SESTD1: variants seen among roughly 807,000 people sequenced by gnomAD.
SESTD1 encodes the protein SEC14 domain and spectrin repeat-containing protein 1.
Under a neutral mutation model 101.7 loss-of-function variants are expected in SESTD1, and 43 were observed. The observed-to-expected ratio is 0.42, with a 90% CI of 0.33 to 0.55. The LOEUF (loss-of-function observed/expected upper bound fraction) is 0.55. Among genes scored for constraint, SESTD1 ranks in the 20% least tolerant of loss-of-function variants. SESTD1 has a pLI of 0.07. For missense variants in SESTD1, 647 were observed against 815.1 expected (o/e 0.79, Z 2.51); for synonymous variants, 283 against 286.8 (o/e 0.99, Z 0.13).
chr2:179,112,793 A>T lies in SESTD1; in HGVS notation c.1892T>A (p.Phe631Tyr). Residue 631 changes from phenylalanine to tyrosine, a missense_variant, in exon 17 of 18, where the codon TTT (phenylalanine) becomes TAT (tyrosine). Phe to Tyr is a conservative substitution (Grantham distance 22, BLOSUM62 3). Transcript: ENST00000428443. Reference protein sequence around the residue: ...EPEAINDEEQFDEIEAVGKSL... With the variant: ...EPEAINDEEQYDEIEAVGKSL... ...TTTCCCAACTGCTTCAATTTCATCA[A>T]ATTGCTCCTCATCATTAATAGCTTC... The T allele has an allele frequency of 6.2e-7, 1 of 1,613,318 alleles. No individual in the cohort carries two copies. The highest frequency in any genetic ancestry group is 8.5e-7 in the Non-Finnish European group (1 of 1,179,992).
chr2:179,263,957 A>C (rs2047519057), intron 1 of SESTD1: 1 of 152,264 alleles, frequency 6.6e-6, no homozygotes, highest in Non-Finnish European at 1.5e-5. Flanking sequence ...TGGGGCCTCG[A>C]GCCCGTGTCC....
chr2:179,249,890 CAA>C (rs60865157), intron 1 of SESTD1, among the ~76,000 whole-genome samples: 47 of 111,244 alleles, frequency 4.2e-4, no homozygotes, highest in Admixed American at 6.8e-4. Flanking sequence ...TATCCACAGG[CAA>C]AAAAAAAAAA....
chr2:179,158,241 TA>T (rs2045666791), intron 5 of SESTD1, among the ~76,000 whole-genome samples: 1 of 152,192 alleles, frequency 6.6e-6, no homozygotes, highest in African/African-American at 2.4e-5. Context: ...TAAAAGGACA[TA>T]ATTCTAATGA....
intron 2 of SESTD1, among the ~76,000 whole-genome samples, chr2:179,185,580 TATTA>T (rs2046204738): frequency 7.6e-6 from 1 of 131,672 alleles, no homozygotes; most frequent in Admixed American, 8.1e-5. Context: ...TAATATACTA[TATTA>T]TATATTGTAT....
chr2:179,119,844 C>T (rs114431420), intron 13 of SESTD1, among the ~76,000 whole-genome samples: 4,019 of 152,232 alleles, frequency 0.026, 85 homozygotes, highest in Non-Finnish European at 0.035. Context: ...CTTCACCTTC[C>T]ATCATGAGTG....
chr2:179,245,246 T>A (rs1421263262), intron 1 of SESTD1, among the ~76,000 whole-genome samples: 5 of 151,854 alleles, frequency 3.3e-5, no homozygotes, highest in African/African-American at 1.2e-4. Context: ...GCTGGGCACG[T>A]TGGCTCACGC....
chr2:179,202,292 G>A (rs1245389164), intron 1 of SESTD1, among the ~76,000 whole-genome samples: 1 of 133,284 alleles, frequency 7.5e-6, no homozygotes, highest in Non-Finnish European at 1.6e-5. Context: ...CCTAAAGAAG[G>A]CCTAATAAAA....
chr2:179,199,540 G>A (rs1451480604), intron 1 of SESTD1, among the ~76,000 whole-genome samples: 3 of 152,124 alleles, frequency 2.0e-5, no homozygotes, highest in Admixed American at 2.0e-4. Context: ...GATGAACATT[G>A]ATGCAAAAAT....
chr2:179,180,790 C>T (rs1205509322), intron 3 of SESTD1, among the ~76,000 whole-genome samples: 9 of 152,284 alleles, frequency 5.9e-5, no homozygotes, highest in Non-Finnish European at 1.2e-4. Context: ...ATCTAGTTAA[C>T]TGCTCTCTAG....
At chr2:179,196,368 T>C (rs1249659248) in intron 1 of SESTD1, among the ~76,000 whole-genome samples, 2 of 152,132 alleles carry the variant, frequency 1.3e-5, no homozygotes, top group Non-Finnish European at 2.9e-5. Context: ...AAGGTGGCAG[T>C]GAGGCTGGGA....
chr2:179,172,272 AAAATG>A, intron 4 of SESTD1, 39 bp from the exon 5 acceptor site: 1 of 1,308,386 alleles, frequency 7.6e-7, no homozygotes, highest in Non-Finnish European at 1.1e-6. Flanking sequence ...TTACACATGT[AAAATG>A]AATAATTTAC....
At chr2:179,195,170 C>T (rs2046371115) in intron 1 of SESTD1, among the ~76,000 whole-genome samples, 1 of 152,216 alleles carries the variant, frequency 6.6e-6, no homozygotes, top group Non-Finnish European at 1.5e-5. Flanking sequence ...TGTGTCCCCA[C>T]CCAAATCTCA....
rs141223035 is a variant in SESTD1 at position 179,144,214 on chromosome 2, C to T, written c.638-411G>A. ...TATTTCCCTGTAGAGCAAAATTATA[C>T]TGTGGGATTTCTGTCTGATGGTACT... On this transcript the variant is annotated intron_variant, in intron 8 of 17. Coordinates refer to ENST00000428443, the MANE Select transcript of SESTD1 (RefSeq NM_178123.5). Among the ~76,000 whole-genome samples, 1,297 of 151,818 alleles carry T rather than the reference C, an allele frequency of 8.5e-3. 10 individuals are homozygous for T. Among genetic ancestry groups the T allele is most frequent in the African/African-American group, 0.029 (1,209 of 41,422 alleles).
chr2:179,127,625 C>T (rs1477154660), intron 10 of SESTD1, among the ~76,000 whole-genome samples: 1 of 152,180 alleles, frequency 6.6e-6, no homozygotes, highest in Non-Finnish European at 1.5e-5. Flanking sequence ...GCCAGTGATG[C>T]TGCAAAATAC....
In SESTD1 at chr2:179,109,113, T is replaced by C. The variant is rs193136450; in HGVS notation, c.*786A>G. The C allele has an allele frequency of 2.0e-5, 3 of 152,664 alleles. No homozygotes were observed. Among genetic ancestry groups the C allele is most frequent in the African/African-American group, 7.2e-5 (3 of 41,566 alleles). The allele number at this position is 152,664 out of a possible 1,614,324, so 9.5% of individuals were successfully genotyped here. Reference sequence around the variant, plus strand: ...ATTAATAAGTTCTTAAAGATCTAAATTGTTCACAATAATTTTTCATGATAA... The same window carrying C: ...ATTAATAAGTTCTTAAAGATCTAAACTGTTCACAATAATTTTTCATGATAA... On this transcript the variant is annotated 3_prime_UTR_variant, in exon 18 of 18. Coordinates refer to ENST00000428443, the MANE Select transcript of SESTD1 (RefSeq NM_178123.5).
At chr2:179,110,400 T>C (rs944974798) in intron 17 of SESTD1, among the ~76,000 whole-genome samples, 17 of 152,186 alleles carry the variant, frequency 1.1e-4, no homozygotes, top group Middle Eastern at 3.2e-3. Flanking sequence ...CACTTGTCTA[T>C]AGAGCTGGCA....
At position 179,104,287 on chromosome 2, in the gene SESTD1, C is replaced by T. The variant is rs985380061; in HGVS notation, c.*5612G>A. 1 of 152,054 alleles carries T rather than the reference C, an allele frequency of 6.6e-6. No individual in the cohort carries two copies. The highest frequency in any genetic ancestry group is 6.6e-5 in the Admixed American group (1 of 15,262). The allele number at this position is 152,054 out of a possible 1,614,324, so 9.4% of individuals were successfully genotyped here. A position where few individuals can be genotyped will look rare whatever the true frequency, so the allele number is the denominator to read the frequency against. Reference sequence around the variant, plus strand: ...CAAAGTGGTATTTCGATCCTTTCACCTTTACAAAATACAATACATATATTT... The same window carrying T: ...CAAAGTGGTATTTCGATCCTTTCACTTTTACAAAATACAATACATATATTT... On this transcript the variant is annotated 3_prime_UTR_variant, in exon 18 of 18. Transcript: ENST00000428443.
At chr2:179,128,191 T>A (rs1418344901) in intron 10 of SESTD1, among the ~76,000 whole-genome samples, 2 of 152,218 alleles carry the variant, frequency 1.3e-5, no homozygotes, top group African/African-American at 2.4e-5. Context: ...GAATCACCAC[T>A]GTGGAGCTAA....
In SESTD1 at chr2:179,106,871, T is replaced by C. The variant is rs935629599; in HGVS notation, c.*3028A>G. The stretch of plus-strand genomic sequence containing the variant: ...TTGCATAACTCTGCTGGGTTAGACA[T>C]GTGCGAAGAACAGATGCCAAACTGC... On this transcript the variant is annotated 3_prime_UTR_variant, in exon 18 of 18. Coordinates refer to ENST00000428443, the MANE Select transcript of SESTD1 (RefSeq NM_178123.5). The C allele has an allele frequency of 2.6e-5, 4 of 151,902 alleles. No individual in the cohort carries two copies. Among genetic ancestry groups the C allele is most frequent in the African/African-American group, 7.3e-5 (3 of 41,318 alleles). The allele number at this position is 151,902 out of a possible 1,614,324, so 9.4% of individuals were successfully genotyped here. A position where few individuals can be genotyped will look rare whatever the true frequency, so the allele number is the denominator to read the frequency against.
Sources: gnomAD v4.1 joint callset for allele counts (sites outside exome capture counted in the v4.1 genomes callset) on GRCh38, gnomAD v4.1.1 for gene constraint, MANE v1.5 for transcripts, NCBI Gene and HGNC (gene_info 2026-07-23, HGNC 2026-07-21) for gene names.